NTNG2: variants seen among roughly 807,000 people sequenced by gnomAD.
The protein encoded by NTNG2 is netrin-G2.
NTNG2 carries 15 observed loss-of-function variants against 47.6 expected under a neutral mutation model. That is an observed-to-expected ratio of 0.32 (90% CI 0.21 to 0.49). The LOEUF (loss-of-function observed/expected upper bound fraction) is 0.49, where lower values mean the gene tolerates loss of function less well. Among genes scored for constraint, NTNG2 ranks in the 20% least tolerant of loss-of-function variants. NTNG2 has a pLI of 0.99. For synonymous variants in NTNG2, 307 were observed against 324.6 expected (o/e 0.95, Z 0.58); for missense variants, 578 against 764.6 (o/e 0.76, Z 2.88).
intron 2 of NTNG2, among the ~76,000 whole-genome samples, chr9:132,188,818 C>T (rs1489265751): frequency 2.6e-5 from 4 of 152,096 alleles, no homozygotes; most frequent in Non-Finnish European, 4.4e-5. Context: ...ATTCATTCTC[C>T]GAAGATTTCC....
chr9:132,174,642 G>A (rs545745648), intron 2 of NTNG2, among the ~76,000 whole-genome samples: 3 of 152,258 alleles, frequency 2.0e-5, no homozygotes, highest in Non-Finnish European at 2.9e-5. Context: ...AAAAAGGGCC[G>A]GGTGCACGGT....
At chr9:132,198,716 G>A (rs3739928) in intron 3 of NTNG2, 107 bp downstream of exon 3, 501,171 of 1,179,706 alleles carry the variant, frequency 0.42, 108,391 homozygotes, top group Middle Eastern at 0.58. Flanking sequence ...GAACATGACC[G>A]GGTTCTTGGG....
chr9:132,171,346 G>A (rs537411957), intron 2 of NTNG2, among the ~76,000 whole-genome samples: 7 of 152,200 alleles, frequency 4.6e-5, no homozygotes, highest in Non-Finnish European at 7.3e-5. Context: ...GAGAGGAAAC[G>A]CCTCTCACAA....
chr9:132,175,440 G>T (rs1836353817), intron 2 of NTNG2, among the ~76,000 whole-genome samples: 1 of 152,168 alleles, frequency 6.6e-6, no homozygotes, highest in Admixed American at 6.5e-5. Flanking sequence ...AGCTCACCAG[G>T]CTGGACCACG....
intron 2 of NTNG2, among the ~76,000 whole-genome samples, chr9:132,183,581 C>G (rs1837110046): frequency 6.6e-6 from 1 of 152,236 alleles, no homozygotes; most frequent in Non-Finnish European, 1.5e-5. Context: ...CTGTGCCACT[C>G]ATGGGGACCA....
In NTNG2 at chr9:132,188,763, A is replaced by G. The variant is rs563621233; in HGVS notation, c.214-9203A>G. On this transcript the variant is annotated intron_variant, in intron 2 of 7. Transcript: ENST00000393229. ...CCATGGTGCACCTGGCATCATTCCTATGACAACCCTGTGAAGCCAGTGCTA... is the reference window on the plus strand; with the variant it reads ...CCATGGTGCACCTGGCATCATTCCTGTGACAACCCTGTGAAGCCAGTGCTA... 3.8e-4 allele frequency among the ~76,000 whole-genome samples: 58 copies of G among 152,156 alleles called. 1 individual carries two copies. The highest frequency in any genetic ancestry group is 1.3e-3 in the African/African-American group (56 of 41,522).
chr9:132,200,376 C>G (rs1838653808), intron 3 of NTNG2, among the ~76,000 whole-genome samples: 1 of 152,242 alleles, frequency 6.6e-6, no homozygotes, highest in African/African-American at 2.4e-5. Flanking sequence ...TCTGTAATTC[C>G]TGACAAGTGG....
chr9:132,213,507 C>T (rs1405799769), intron 3 of NTNG2, among the ~76,000 whole-genome samples: 1 of 152,146 alleles, frequency 6.6e-6, no homozygotes, highest in East Asian at 1.9e-4. Flanking sequence ...AGCATCATTC[C>T]TCACTGCAGT....
At chr9:132,212,710 C>T (rs1047728566) in intron 3 of NTNG2, among the ~76,000 whole-genome samples, 1 of 152,182 alleles carries the variant, frequency 6.6e-6, no homozygotes, top group African/African-American at 2.4e-5. Context: ...AGCCTCCTTC[C>T]CTCTAGTGCC....
intron 4 of NTNG2, among the ~76,000 whole-genome samples, chr9:132,229,517 C>T (rs914600208): frequency 2.0e-5 from 3 of 152,210 alleles, no homozygotes; most frequent in African/African-American, 7.2e-5. Flanking sequence ...CAGGGCCCAA[C>T]TTGGAGCCCC....
chr9:132,169,229 G>A (rs906762649), intron 2 of NTNG2, among the ~76,000 whole-genome samples: 2 of 152,262 alleles, frequency 1.3e-5, no homozygotes, highest in Admixed American at 1.3e-4. Flanking sequence ...CCTGTGTGAT[G>A]GACTTAAATA....
At chr9:132,213,331 CAAAAAAAAAA>C (rs61393543) in intron 3 of NTNG2, among the ~76,000 whole-genome samples, 1 of 104,370 alleles carries the variant, frequency 9.6e-6, no homozygotes, top group Non-Finnish European at 2.1e-5. Context: ...GACTCCATCT[CAAAAAAAAAA>C]AAAAAAAAAA....
At chr9:132,185,769 T>C (rs546350195) in intron 2 of NTNG2, among the ~76,000 whole-genome samples, 74 of 150,496 alleles carry the variant, frequency 4.9e-4, no homozygotes, top group East Asian at 1.8e-3. Flanking sequence ...AGTGAAGCCC[T>C]GAGTAGGGAG....
chr9:132,214,009 T>C (rs1839795042), intron 3 of NTNG2, among the ~76,000 whole-genome samples: 1 of 152,142 alleles, frequency 6.6e-6, no homozygotes, highest in Non-Finnish European at 1.5e-5. Flanking sequence ...TTCAGAGCCA[T>C]TGCCGTGAAC....
Position 132,239,228 on chromosome 9 carries a change from C to T in NTNG2, c.1179C>T (p.Tyr393=). 1.2e-6 allele frequency: 2 copies of T among 1,613,782 alleles called. No individual in the cohort carries two copies. The highest frequency in any genetic ancestry group is 1.7e-6 in the Non-Finnish European group (2 of 1,180,036). The part of the protein sequence containing the change: ...QHCQHCRLGY[Y]RNGSAELDDE... ...GCCAGCACTGCCGGCTGGGCTACTA[C>T]CGCAACGGCTCGGCAGAGCTGGATG... The change falls in exon 6 of 8, where the codon TAC becomes TAT. Residue 393 remains tyrosine, a synonymous_variant. Transcript: ENST00000393229.
intron 3 of NTNG2, among the ~76,000 whole-genome samples, chr9:132,222,846 C>T (rs1840441962): frequency 6.6e-6 from 1 of 152,188 alleles, no homozygotes; most frequent in Non-Finnish European, 1.5e-5. Context: ...TGGCTCACAC[C>T]TATAATCCCA....
chr9:132,188,748 C>T (rs981737949), intron 2 of NTNG2, among the ~76,000 whole-genome samples: 3 of 152,168 alleles, frequency 2.0e-5, no homozygotes, highest in Non-Finnish European at 4.4e-5. Context: ...CCATGGTGCA[C>T]CTGGCATCAT....
intron 3 of NTNG2, among the ~76,000 whole-genome samples, chr9:132,216,604 C>G (rs1219441089): frequency 6.6e-6 from 1 of 152,046 alleles, no homozygotes; most frequent in Non-Finnish European, 1.5e-5. Context: ...CATGCCCTAT[C>G]TCTATGTTCA....
Position 132,221,607 on chromosome 9 carries a change from G to A in NTNG2, c.858-5242G>A, listed in dbSNP as rs1270845561. ...AAGAGGAGGCACTGTGCTTGTTCTG[G>A]GGCTCAGCCAGCGAGTTGAAGAGGC... On this transcript the variant is annotated intron_variant, in intron 3 of 7. Transcript: ENST00000393229. This position sits in a 1 kb window ranked among gnomAD's most constrained non-coding sequence, Gnocchi z 4.2. Among the ~76,000 whole-genome samples, 3 of 152,200 alleles carry A rather than the reference G, an allele frequency of 2.0e-5. No homozygotes were observed. Among genetic ancestry groups the A allele is most frequent in the Non-Finnish European group, 4.4e-5 (3 of 68,028 alleles).
Sources: allele counts gnomAD v4.1 joint callset (sites outside exome capture counted in the v4.1 genomes callset), GRCh38; gene constraint gnomAD v4.1.1; non-coding constraint Gnocchi (gnomAD v3.1); transcripts MANE v1.5; gene names NCBI Gene and HGNC (gene_info 2026-07-23, HGNC 2026-07-21).